The following XPR1 variants were observed in gnomAD, a reference collection of about 807,000 sequenced individuals.
XPR1 encodes solute carrier family 53 member 1.
In XPR1, 28 loss-of-function variants were observed where a neutral mutation model predicts 87.5. The ratio of observed to expected loss-of-function variants is 0.32; its 90% CI spans 0.24 to 0.44. The LOEUF is 0.44. XPR1 is among the 20% of genes least tolerant of loss of function. The probability of loss-of-function intolerance (pLI) is 1.00; values close to 1 mark genes in which losing one functional copy is unlikely to be tolerated. For synonymous variants in XPR1, 300 were observed against 306.1 expected, an observed-to-expected ratio of 0.98 and a Z score of 0.21; for missense variants, 559 against 862.3, an observed-to-expected ratio of 0.65 and a Z score of 4.41.
intron 2 of XPR1, among the ~76,000 whole-genome samples, chr1:180,750,130 A>G (rs982912230): frequency 2.0e-5 from 3 of 152,108 alleles, no homozygotes; most frequent in African/African-American, 7.2e-5. Context: ...TTTTGCTTTT[A>G]ATTTGGAAAC....
intron 2 of XPR1, among the ~76,000 whole-genome samples, chr1:180,769,020 G>T (rs1035998096): frequency 5.9e-5 from 9 of 152,008 alleles, no homozygotes; most frequent in Non-Finnish European, 1.5e-5. Flanking sequence ...GAACTTATTT[G>T]TGGAAGAATG....
At chr1:180,725,182 A>G (rs1658296107) in intron 2 of XPR1, among the ~76,000 whole-genome samples, 1 of 152,226 alleles carries the variant, frequency 6.6e-6, no homozygotes, top group East Asian at 1.9e-4. Flanking sequence ...CTGGTTAAAA[A>G]TCTTAACCAT....
At chr1:180,715,076 T>G (rs1657942032) in intron 2 of XPR1, among the ~76,000 whole-genome samples, 1 of 152,198 alleles carries the variant, frequency 6.6e-6, no homozygotes, top group Non-Finnish European at 1.5e-5. Context: ...AACAAGATTT[T>G]TAGTGCAGTA....
chr1:180,778,381 T>G (rs1648803476), intron 2 of XPR1, among the ~76,000 whole-genome samples: 1 of 152,172 alleles, frequency 6.6e-6, no homozygotes, highest in South Asian at 2.1e-4. Flanking sequence ...ATAAATAACT[T>G]TGGGAAACAC....
At chr1:180,698,131 C>G (rs944507251) in intron 2 of XPR1, among the ~76,000 whole-genome samples, 1 of 152,100 alleles carries the variant, frequency 6.6e-6, no homozygotes, top group African/African-American at 2.4e-5. Flanking sequence ...TGGGTACATA[C>G]ATGTTTAGAA....
At chr1:180,852,521 A>G (rs1428751818) in intron 11 of XPR1, among the ~76,000 whole-genome samples, 1 of 152,108 alleles carries the variant, frequency 6.6e-6, no homozygotes, top group African/African-American at 2.4e-5. Context: ...TTGAGAGAGA[A>G]AGAGACCACA....
chr1:180,843,644 T>C (rs939879207), intron 11 of XPR1, among the ~76,000 whole-genome samples: 9 of 151,858 alleles, frequency 5.9e-5, no homozygotes, highest in Non-Finnish European at 1.0e-4. Flanking sequence ...ATATTAATTA[T>C]AGCTTTGAAT....
At chr1:180,656,434 T>TAATATTTATACA (rs1655488047) in intron 1 of XPR1, among the ~76,000 whole-genome samples, 1 of 9,696 alleles carries the variant, frequency 1.0e-4, no homozygotes, top group Non-Finnish European at 2.3e-4. Context: ...TATTTATATA[T>TAATATTTATACA]TTATATATAA....
intron 2 of XPR1, among the ~76,000 whole-genome samples, chr1:180,711,360 C>G (rs1044630049): frequency 2.0e-5 from 3 of 152,208 alleles, no homozygotes; most frequent in African/African-American, 7.2e-5. Flanking sequence ...ATCTGCAATC[C>G]CAGCACCTCG....
chr1:180,708,813 A>G (rs1657643881), intron 2 of XPR1, among the ~76,000 whole-genome samples: 1 of 151,148 alleles, frequency 6.6e-6, no homozygotes, highest in Non-Finnish European at 1.5e-5. Context: ...TTTCCCCAAA[A>G]TGAAATGTCG....
At chr1:180,712,544 A>G (rs1255295715) in intron 2 of XPR1, among the ~76,000 whole-genome samples, 1 of 152,222 alleles carries the variant, frequency 6.6e-6, no homozygotes, top group East Asian at 1.9e-4. Context: ...ACGGTGGCTC[A>G]TGCCTGTAAT....
intron 2 of XPR1, among the ~76,000 whole-genome samples, chr1:180,690,869 T>C (rs1571728902): frequency 6.6e-6 from 1 of 151,766 alleles, no homozygotes; most frequent in East Asian, 1.9e-4. Context: ...GAAGCCAATG[T>C]ACTGTTTATA....
intron 11 of XPR1, among the ~76,000 whole-genome samples, chr1:180,841,524 T>TA (rs757311467): frequency 2.6e-5 from 4 of 152,198 alleles, no homozygotes; most frequent in African/African-American, 4.8e-5. Flanking sequence ...GAATTTATGA[T>TA]AAAATGAAAT....
intron 9 of XPR1, among the ~76,000 whole-genome samples, chr1:180,832,542 A>G (rs1357430729): frequency 6.6e-6 from 1 of 152,158 alleles, no homozygotes; most frequent in African/African-American, 2.4e-5. Flanking sequence ...TTAAATCTTT[A>G]ATCCATCTTG....
rs185862891 is a variant in XPR1 at position 180,825,887 on chromosome 1, C to G, written c.1134+543C>G. ...CCAACATGGTGAAACCCCGTCTCTA[C>G]TAAAAATACAAAATTAGCTGGGGGT... On this transcript the variant is annotated intron_variant, in intron 9 of 14. Transcript: ENST00000367590. Among the ~76,000 whole-genome samples the G allele has an allele frequency of 2.2e-4, 33 of 152,182 alleles. No homozygotes were observed. The East Asian group carries it at 6.4e-3, about 29-fold the overall frequency.
chr1:180,726,963 C>T lies in XPR1; in HGVS notation c.121+44552C>T, dbSNP rs537646467. Among the ~76,000 whole-genome samples, 49 of 151,926 alleles carry T rather than the reference C, an allele frequency of 3.2e-4. No homozygotes were observed. In the South Asian group the frequency reaches 7.1e-3, roughly 22 times the overall value. Reference sequence around the variant, plus strand: ...GTTGTCGGCTCACTGCAAGCTCCGCCTCCTGGGTTCACGCCGTTCTCCTGC... The same window carrying T: ...GTTGTCGGCTCACTGCAAGCTCCGCTTCCTGGGTTCACGCCGTTCTCCTGC... On this transcript the variant is annotated intron_variant, in intron 2 of 14. Coordinates refer to ENST00000367590, the MANE Select transcript of XPR1 (RefSeq NM_004736.4).
chr1:180,807,199 G>A (rs1650025716), intron 6 of XPR1, among the ~76,000 whole-genome samples: 1 of 152,160 alleles, frequency 6.6e-6, no homozygotes, highest in South Asian at 2.1e-4. Flanking sequence ...CATTGTGCTG[G>A]AGATTATAGC....
chr1:180,837,200 A>G (rs1416745138), intron 11 of XPR1, among the ~76,000 whole-genome samples: 1 of 152,194 alleles, frequency 6.6e-6, no homozygotes, highest in African/African-American at 2.4e-5. Flanking sequence ...ACGTATTATT[A>G]CTTGAGACTG....
At chr1:180,840,199 C>T (rs890356423) in intron 11 of XPR1, among the ~76,000 whole-genome samples, 40 of 141,228 alleles carry the variant, frequency 2.8e-4, no homozygotes, top group Non-Finnish European at 3.2e-4. Context: ...GTCCGCAGTC[C>T]GGCCTGGGCG....
Sources: gnomAD v4.1 joint callset for allele counts (sites outside exome capture counted in the v4.1 genomes callset) on GRCh38, gnomAD v4.1.1 for gene constraint, MANE v1.5 for transcripts, NCBI Gene and HGNC (gene_info 2026-07-23, HGNC 2026-07-21) for gene names.